SPIRE1: variants seen among roughly 807,000 people sequenced by gnomAD.
SPIRE1 encodes the protein spire type actin nucleation factor 1.
SPIRE1 carries 40 observed loss-of-function variants against 94.1 expected under a neutral mutation model. That is an observed-to-expected ratio of 0.43 (90% CI 0.33 to 0.55). The LOEUF (loss-of-function observed/expected upper bound fraction) is 0.55, where lower values mean the gene tolerates loss of function less well. Among genes scored for constraint, SPIRE1 ranks in the 20% least tolerant of loss-of-function variants. The pLI, the probability that SPIRE1 is intolerant of heterozygous loss-of-function variation, is 0.06. For synonymous variants in SPIRE1, 376 were observed against 371.7 expected (o/e 1.01, Z -0.13); for missense variants, 838 against 975.2 (o/e 0.86, Z 1.87).
At chr18:12,583,983 C>T (rs1035781332) in intron 2 of SPIRE1, among the ~76,000 whole-genome samples, 1 of 151,790 alleles carries the variant, frequency 6.6e-6, no homozygotes, top group Non-Finnish European at 1.5e-5. Flanking sequence ...GTAAAACATG[C>T]TTATTAAAAG....
chr18:12,622,255 AAAT>A (rs2037492429), intron 2 of SPIRE1, among the ~76,000 whole-genome samples: 1 of 152,168 alleles, frequency 6.6e-6, no homozygotes, highest in East Asian at 1.9e-4. Context: ...TAAACTGATG[AAAT>A]AATGAGTGTA....
intron 4 of SPIRE1, among the ~76,000 whole-genome samples, chr18:12,526,092 C>CACACACACACACACACACACAG (rs765621602): frequency 1.3e-3 from 189 of 149,030 alleles, no homozygotes; most frequent in South Asian, 1.5e-3. Flanking sequence ...CACACACACA[C>CACACACACACACACACACACAG]AGAGATGTAT....
intron 2 of SPIRE1, among the ~76,000 whole-genome samples, chr18:12,582,090 C>G (rs1720108906): frequency 6.6e-6 from 1 of 152,046 alleles, no homozygotes. Flanking sequence ...ACATAGCAGA[C>G]CAAAATCAAA....
At chr18:12,542,029 T>G (rs996141942) in intron 3 of SPIRE1, among the ~76,000 whole-genome samples, 1 of 151,520 alleles carries the variant, frequency 6.6e-6, no homozygotes, top group Non-Finnish European at 1.5e-5. Flanking sequence ...CAGGCTGGAG[T>G]GCACTGGCAT....
At chr18:12,482,461 C>T (rs1057415115) in intron 9 of SPIRE1, among the ~76,000 whole-genome samples, 1 of 151,842 alleles carries the variant, frequency 6.6e-6, no homozygotes, top group Admixed American at 6.6e-5. Context: ...TTTTAATGTG[C>T]TGCAAAATAA....
chr18:12,501,072 C>CA (rs67894900), intron 6 of SPIRE1, among the ~76,000 whole-genome samples: 3,619 of 79,916 alleles, frequency 0.045, 185 homozygotes, highest in African/African-American at 0.075. Context: ...AACTCTGTCT[C>CA]AAAAAAAAAA....
intron 2 of SPIRE1, among the ~76,000 whole-genome samples, chr18:12,547,626 C>G (rs746267360): frequency 2.6e-5 from 4 of 151,764 alleles, no homozygotes; most frequent in Non-Finnish European, 4.4e-5. Context: ...CTCTCTCTCT[C>G]TGTGTCTCTC....
rs188942847 is a variant in SPIRE1, at chr18:12,628,217, G to A, written c.372+6845C>T. Among the ~76,000 whole-genome samples the A allele has an allele frequency of 5.3e-4, 81 of 152,158 alleles. 1 individual carries two copies. The highest frequency in any genetic ancestry group is 1.9e-3 in the African/African-American group (77 of 41,520). On this transcript the variant is annotated intron_variant, in intron 2 of 16. Transcript: ENST00000409402. ...ACATTTTAAGTCTTTAATCCATCTC[G>A]AATTAATTTTTGTATAAAGAAAGGG...
In SPIRE1 at chr18:12,658,032, G is replaced by A. The variant is rs2038609459; in HGVS notation, c.-166C>T. ...CCAGGCGAGTGCCCGGGAGGCGTGGGCAAGAGGAGGGCGGCGAGGACACGG... is the reference window on the plus strand; with the variant it reads ...CCAGGCGAGTGCCCGGGAGGCGTGGACAAGAGGAGGGCGGCGAGGACACGG... On this transcript the variant is annotated 5_prime_UTR_variant, in exon 1 of 17. Coordinates refer to ENST00000409402, the MANE Select transcript of SPIRE1 (RefSeq NM_001128626.2). The A allele has an allele frequency of 1.0e-6, 1 of 992,854 alleles. No homozygotes were observed. 61.5% of individuals were successfully genotyped at this position (992,854 alleles called of 1,614,324 possible).
intron 2 of SPIRE1, among the ~76,000 whole-genome samples, chr18:12,624,027 C>A (rs1188371609): frequency 6.7e-6 from 1 of 150,108 alleles, no homozygotes; most frequent in East Asian, 2.0e-4. Context: ...GGGTTCAAGC[C>A]ATTCTCCTGC....
chr18:12,555,646 A>G (rs2035483481), intron 2 of SPIRE1, among the ~76,000 whole-genome samples: 1 of 152,204 alleles, frequency 6.6e-6, no homozygotes, highest in Admixed American at 6.5e-5. Context: ...CCCTCAAAAA[A>G]CTGGGTATAT....
chr18:12,469,773 CTT>C lies in SPIRE1; in HGVS notation c.1405-4817_1405-4816del, dbSNP rs1010721011. Reference sequence around the variant, plus strand: ...ATAATTATATATATACACATATACACTTTACGAGGTCTCATGAGACTCTTATA... The same window carrying C: ...ATAATTATATATATACACATATACACTACGAGGTCTCATGAGACTCTTATA... On this transcript the variant is annotated intron_variant, in intron 10 of 16. Transcript: ENST00000409402. 9.8e-4 allele frequency among the ~76,000 whole-genome samples: 142 copies of C among 144,506 alleles called. 1 individual carries two copies. Among genetic ancestry groups the C allele is most frequent in the East Asian group, 6.1e-3 (31 of 5,046 alleles). The allele number at this position is 144,506 out of a possible 152,430, so 94.8% of individuals were successfully genotyped here. A position where few individuals can be genotyped will look rare whatever the true frequency, so the allele number is the denominator to read the frequency against.
At chr18:12,547,992 C>A (rs1181531647) in intron 2 of SPIRE1, among the ~76,000 whole-genome samples, 2 of 152,176 alleles carry the variant, frequency 1.3e-5, no homozygotes, top group East Asian at 1.9e-4. Context: ...TAAATCCTGA[C>A]TTTTACCACT....
At chr18:12,519,745 T>C (rs1402065752) in intron 4 of SPIRE1, among the ~76,000 whole-genome samples, 1 of 152,198 alleles carries the variant, frequency 6.6e-6, no homozygotes, top group East Asian at 1.9e-4. Context: ...CAAATGCAAA[T>C]TAAAATTGTT....
At chr18:12,534,941 A>T (rs558248456) in intron 4 of SPIRE1, among the ~76,000 whole-genome samples, 14 of 152,294 alleles carry the variant, frequency 9.2e-5, no homozygotes, top group African/African-American at 3.4e-4. Flanking sequence ...ATTACCTAAC[A>T]TGTACTGAGC....
chr18:12,512,312 G>A (rs552600), intron 5 of SPIRE1, 142 bp downstream of exon 5: 460 of 567,836 alleles, frequency 8.1e-4, no homozygotes, highest in African/African-American at 7.8e-3. Flanking sequence ...TGCAGTACCC[G>A]GGAGGTGGGG....
At chr18:12,568,459 T>C (rs1366361221) in intron 2 of SPIRE1, among the ~76,000 whole-genome samples, 1 of 152,196 alleles carries the variant, frequency 6.6e-6, no homozygotes, top group Non-Finnish European at 1.5e-5. Flanking sequence ...CCAACTCCAC[T>C]CATCTGTCCA....
In SPIRE1 at chr18:12,586,773, G is replaced by T. The variant is rs181481049; in HGVS notation, c.373-39869C>A. On this transcript the variant is annotated intron_variant, in intron 2 of 16. Transcript: ENST00000409402. ...TCATGTGTCTGGAAACTCAAGCATGGTAACTCTAAGCTCTGAACAAATTTG... is the reference window on the plus strand; with the variant it reads ...TCATGTGTCTGGAAACTCAAGCATGTTAACTCTAAGCTCTGAACAAATTTG... 3.9e-5 allele frequency among the ~76,000 whole-genome samples: 6 copies of T among 152,250 alleles called. No homozygotes were observed. In the East Asian group the frequency reaches 1.2e-3, roughly 29 times the overall value.
chr18:12,630,717 C>T (rs78874284), intron 2 of SPIRE1, among the ~76,000 whole-genome samples: 14,641 of 152,046 alleles, frequency 0.096, 815 homozygotes, highest in Middle Eastern at 0.17. Context: ...GGCAGAGAAG[C>T]GAGAAGGAAA....
Sources: gnomAD v4.1 joint callset for allele counts (sites outside exome capture counted in the v4.1 genomes callset) on GRCh38, gnomAD v4.1.1 for gene constraint, MANE v1.5 for transcripts, NCBI Gene and HGNC (gene_info 2026-07-23, HGNC 2026-07-21) for gene names.